CFAP47: variants seen among roughly 807,000 people sequenced by gnomAD.
CFAP47 encodes cilia- and flagella-associated protein 47.
In CFAP47, 29 loss-of-function variants were observed where a neutral mutation model predicts 148.1. That is an observed-to-expected ratio of 0.20 (90% CI 0.15 to 0.27). CFAP47 has a LOEUF of 0.27. Ranked by LOEUF, CFAP47 falls within the 10% of genes least tolerant of loss-of-function variation. CFAP47 has a pLI of 1.00. For synonymous variants in CFAP47, 664 were observed against 577.3 expected (o/e 1.15, Z -2.15); for missense variants, 1,872 against 1,697.5 (o/e 1.10, Z -1.81).
In CFAP47 at chrX:36,236,766, C is replaced by G. The variant is rs1374361012; in HGVS notation, c.7239C>G (p.Ala2413=). 3.8e-6 allele frequency: 2 copies of G among 522,671 alleles called. No homozygotes were observed. Among genetic ancestry groups the G allele is most frequent in the African/African-American group, 4.6e-5 (2 of 43,129 alleles). The allele number at this position is 522,671 out of a possible 1,213,427, so 43.1% of individuals were successfully genotyped here. A position where few individuals can be genotyped will look rare whatever the true frequency, so the allele number is the denominator to read the frequency against. ...DIKGVGKKPS[A]LEHITVECQV... is the part of the protein sequence containing the mutation. ...AAGGGGTTGGGAAAAAACCTTCGGC[C>G]TTGGAACACATCACTGTGGAATGTC... The change falls in exon 48 of 64, where the codon GCC becomes GCG. Residue 2413 remains alanine (A), a synonymous_variant. Transcript: ENST00000378653.
chrX:36,107,056 G>A (rs749926659), intron 33 of CFAP47, among the ~76,000 whole-genome samples: 5 of 111,684 alleles, frequency 4.5e-5, no homozygotes, highest in Non-Finnish European at 9.4e-5. Flanking sequence ...GATAGTGGGG[G>A]AGGATTGTGT....
Position 36,285,626 on chromosome X carries a change from C to T in CFAP47, c.7589-3C>T. 1 of 821,245 alleles carries T rather than the reference C, an allele frequency of 1.2e-6. No homozygotes were observed. Among genetic ancestry groups the T allele is most frequent in the South Asian group, 2.2e-5 (1 of 44,448 alleles). 67.7% of individuals were successfully genotyped at this position (821,245 alleles called of 1,213,427 possible). On this transcript the variant is annotated splice_region_variant and splice_polypyrimidine_tract_variant and intron_variant, in intron 50 of 63. Transcript: ENST00000378653. ...TTAAAAAGTGTTTTGTTTTGTTTTT[C>T]AGATGGTAATTTTAACAATTTAAGA... is the stretch of plus-strand genomic sequence containing the variant.
intron 8 of CFAP47, among the ~76,000 whole-genome samples, chrX:35,957,840 G>A (rs184726631): frequency 8.9e-6 from 1 of 112,212 alleles, no homozygotes; most frequent in Non-Finnish European, 1.9e-5. Flanking sequence ...AATGGCCTTT[G>A]ACTATTTAGA....
rs759641971 is a variant in CFAP47 at position 35,924,411 on chromosome X, G to A, written c.250-1606G>A. On this transcript the variant is annotated intron_variant, in intron 1 of 63. Coordinates refer to ENST00000378653, the MANE Select transcript of CFAP47 (RefSeq NM_001304548.2). Reference sequence around the variant, plus strand: ...TATGTGTATATATGCACACACATATGTGTATATGCACACATATGTGTATAT... The same window carrying A: ...TATGTGTATATATGCACACACATATATGTATATGCACACATATGTGTATAT... Among the ~76,000 whole-genome samples, 30 of 100,487 alleles carry A rather than the reference G, an allele frequency of 3.0e-4. 1 individual carries two copies. The highest frequency in any genetic ancestry group is 1.2e-3 in the African/African-American group (28 of 23,256). The allele number at this position is 100,487 out of a possible 115,157, so 87.3% of individuals were successfully genotyped here.
chrX:36,072,621 A>G (rs1439972492), intron 28 of CFAP47, among the ~76,000 whole-genome samples: 3 of 112,108 alleles, frequency 2.7e-5, no homozygotes, highest in Non-Finnish European at 5.6e-5. Context: ...TGATTGTGCC[A>G]TTATATAACC....
At chrX:36,234,616 G>A (rs948954205) in intron 46 of CFAP47, among the ~76,000 whole-genome samples, 9 of 112,250 alleles carry the variant, frequency 8.0e-5, no homozygotes, top group East Asian at 2.8e-4. Flanking sequence ...CTCTCAACTC[G>A]TCAAAGTCAT....
chrX:36,147,142 T>G (rs1639194745), intron 36 of CFAP47, among the ~76,000 whole-genome samples: 1 of 111,726 alleles, frequency 9.0e-6, no homozygotes, highest in Non-Finnish European at 1.9e-5. Context: ...AAACATAGAG[T>G]GCAGTGATTT....
At chrX:36,248,138 C>A (rs931067944) in intron 48 of CFAP47, among the ~76,000 whole-genome samples, 10 of 105,718 alleles carry the variant, frequency 9.5e-5, no homozygotes, top group African/African-American at 3.1e-4. Context: ...TATATATTAT[C>A]ATATATTATA....
chrX:36,355,668 G>GCATT (rs1404634287), intron 60 of CFAP47, among the ~76,000 whole-genome samples: 1 of 111,698 alleles, frequency 9.0e-6, no homozygotes, highest in Non-Finnish European at 1.9e-5. Flanking sequence ...TCTCATAGAA[G>GCATT]CAGAATAATA....
At chrX:36,241,583 A>G in intron 48 of CFAP47, among the ~76,000 whole-genome samples, 1 of 111,995 alleles carries the variant, frequency 8.9e-6, no homozygotes. Flanking sequence ...CAGATCCCTG[A>G]GAGCAGCTGG....
chrX:36,021,860 C>T (rs1473317909), intron 22 of CFAP47: 1 of 111,254 alleles, frequency 9.0e-6, no homozygotes, highest in Non-Finnish European at 1.9e-5. Context: ...TTTTTTATGG[C>T]TGCATAGTAT....
intron 21 of CFAP47, among the ~76,000 whole-genome samples, chrX:36,003,272 A>G (rs1233577169): frequency 1.8e-5 from 2 of 109,781 alleles, no homozygotes; most frequent in African/African-American, 6.6e-5. Context: ...TGCATTGTGG[A>G]ATAAATCTCA....
intron 25 of CFAP47, among the ~76,000 whole-genome samples, chrX:36,045,314 C>A (rs190706827): frequency 2.7e-5 from 3 of 111,396 alleles, no homozygotes; most frequent in Non-Finnish European, 5.7e-5. Context: ...TGTTCTACTC[C>A]GCTGTGGCTG....
At chrX:36,293,887 G>A (rs782548374) in intron 51 of CFAP47, among the ~76,000 whole-genome samples, 1 of 111,519 alleles carries the variant, frequency 9.0e-6, no homozygotes, top group Non-Finnish European at 1.9e-5. Context: ...CTCTTGGTGA[G>A]TTCCTACCAA....
At chrX:36,290,921 T>C (rs1237762938) in intron 51 of CFAP47, among the ~76,000 whole-genome samples, 1 of 112,187 alleles carries the variant, frequency 8.9e-6, no homozygotes, top group East Asian at 2.8e-4. Context: ...GCTAGGCAGA[T>C]TTTCTCCAAA....
chrX:36,162,741 T>C (rs1439016908), intron 39 of CFAP47, among the ~76,000 whole-genome samples: 1 of 111,680 alleles, frequency 9.0e-6, no homozygotes. Context: ...ATTCTTCTTT[T>C]GCAGAACACC....
chrX:36,371,190 C>T (rs1252113563), intron 62 of CFAP47, among the ~76,000 whole-genome samples: 4 of 110,873 alleles, frequency 3.6e-5, no homozygotes, highest in Non-Finnish European at 5.7e-5. Context: ...TTTTTACTAA[C>T]GTCTGCCCTT....
At chrX:36,334,276 C>T (rs949160873) in intron 57 of CFAP47, among the ~76,000 whole-genome samples, 7 of 111,213 alleles carry the variant, frequency 6.3e-5, no homozygotes, top group Non-Finnish European at 1.1e-4. Flanking sequence ...ATGAAACAGA[C>T]GACTACTTGC....
chrX:36,252,038 G>T lies in CFAP47; in HGVS notation c.7444+594G>T, dbSNP rs193262906. ...TGATAGAAGAGTAATAGCTAGTACT[G>T]AGTGATTATGATTCATCAAAGGAAT... On this transcript the variant is annotated intron_variant, in intron 49 of 63. Coordinates refer to ENST00000378653, the MANE Select transcript of CFAP47 (RefSeq NM_001304548.2). Among the ~76,000 whole-genome samples the T allele has an allele frequency of 9.7e-3, 1,081 of 110,965 alleles. 6 individuals carry two copies. The highest frequency in any genetic ancestry group is 0.027 in the South Asian group (73 of 2,688).
Sources: gnomAD v4.1 joint callset for allele counts (sites outside exome capture counted in the v4.1 genomes callset) on GRCh38, gnomAD v4.1.1 for gene constraint, MANE v1.5 for transcripts, NCBI Gene and HGNC (gene_info 2026-07-23, HGNC 2026-07-21) for gene names.